The following ZC3HAV1 variants were observed in gnomAD, a reference collection of about 807,000 sequenced individuals.
ZC3HAV1 encodes the protein zinc finger CCCH-type containing, antiviral 1, also known as zinc finger CCCH-type antiviral protein 1.
In ZC3HAV1, 41 loss-of-function variants were observed where a neutral mutation model predicts 86.6. The observed-to-expected ratio is 0.47, with a 90% confidence interval of 0.37 to 0.61. The LOEUF (loss-of-function observed/expected upper bound fraction) is 0.61, where lower values mean the gene tolerates loss of function less well. Among genes scored for constraint, ZC3HAV1 ranks in the 20% least tolerant of loss-of-function variants. The pLI, the probability that ZC3HAV1 is intolerant of heterozygous loss-of-function variation, is 0.00. For missense variants in ZC3HAV1, 964 were observed against 1,141.1 expected, an observed-to-expected ratio of 0.84 and a Z score of 2.24; for synonymous variants, 421 against 432.1, an observed-to-expected ratio of 0.97 and a Z score of 0.32.
chr7:139,083,250 G>A (rs535754281), intron 3 of ZC3HAV1, among the ~76,000 whole-genome samples: 26 of 145,952 alleles, frequency 1.8e-4, no homozygotes, highest in African/African-American at 5.7e-4. Flanking sequence ...AAACCTGGGG[G>A]GGGGGGCAAT....
Position 139,047,639 on chromosome 7 carries a change from T to C in ZC3HAV1, c.2664A>G (p.Gln888=). Residue 888 remains glutamine (Q), a synonymous_variant, in exon 13 of 13, where the codon CAA becomes CAG. Transcript: ENST00000242351. The part of the protein sequence containing the change: ...VIFQKDQVYP[Q]YVIEYTEDKA... ...TGTCTTCAGTATATTCAATCACATA[T>C]TGTGGGTAAACCTGATCTTTCTGAA... 1 of 1,614,142 alleles carries C rather than the reference T, an allele frequency of 6.2e-7. No individual in the cohort carries two copies. Among genetic ancestry groups the C allele is most frequent in the Non-Finnish European group, 8.5e-7 (1 of 1,180,028 alleles).
At chr7:139,092,111 A>T (rs1817454211) in intron 1 of ZC3HAV1, among the ~76,000 whole-genome samples, 1 of 152,238 alleles carries the variant, frequency 6.6e-6, no homozygotes, top group Non-Finnish European at 1.5e-5. Context: ...AAACAGTTCC[A>T]GGTGCAGGGG....
chr7:139,081,944 A>G (rs1761292029), intron 3 of ZC3HAV1, among the ~76,000 whole-genome samples: 1 of 152,214 alleles, frequency 6.6e-6, no homozygotes, highest in African/African-American at 2.4e-5. Flanking sequence ...AATGAATGCC[A>G]TTATATAATA....
In ZC3HAV1 at chr7:139,079,942, G is replaced by A. The variant is rs781754522; in HGVS notation, c.999C>T (p.Asn333=). The change falls in exon 4 of 13, where the codon AAC becomes AAT. Residue 333 remains asparagine (N), a synonymous_variant. Coordinates refer to ENST00000242351, the MANE Select transcript of ZC3HAV1 (RefSeq NM_020119.4). ...QAGTSQRFLE[N]GSQEDLLHGN... Reference sequence around the variant, plus strand: ...CATGCAAGAGGTCCTCTTGACTGCCGTTCTCTAAAAACCTCTGGCTTGTCC... The same window carrying A: ...CATGCAAGAGGTCCTCTTGACTGCCATTCTCTAAAAACCTCTGGCTTGTCC... The A allele has an allele frequency of 1.6e-5, 26 of 1,614,034 alleles. No homozygotes were observed. The highest frequency in any genetic ancestry group is 5.5e-5 in the South Asian group (5 of 91,090).
intron 10 of ZC3HAV1, among the ~76,000 whole-genome samples, 183 bp from the exon 11 acceptor site, chr7:139,054,278 G>A (rs1816219348): frequency 1.3e-5 from 2 of 152,186 alleles, no homozygotes; most frequent in South Asian, 4.1e-4. Context: ...CAGAGAGGCA[G>A]CGGGCCTGTC....
At chr7:139,101,067 G>A (rs1229816693) in intron 1 of ZC3HAV1, among the ~76,000 whole-genome samples, 1 of 152,206 alleles carries the variant, frequency 6.6e-6, no homozygotes, top group Non-Finnish European at 1.5e-5. Context: ...CTGGTCTCCA[G>A]CTCCTAACCG....
intron 1 of ZC3HAV1, among the ~76,000 whole-genome samples, chr7:139,103,617 T>C (rs1391230339): frequency 6.6e-6 from 1 of 152,100 alleles, no homozygotes; most frequent in Non-Finnish European, 1.5e-5. Flanking sequence ...AACCAACAAT[T>C]CCACTTCCTA....
intron 1 of ZC3HAV1, among the ~76,000 whole-genome samples, chr7:139,092,284 G>C (rs1817459144): frequency 6.6e-6 from 1 of 152,174 alleles, no homozygotes; most frequent in Non-Finnish European, 1.5e-5. Context: ...TGAAGAAGGG[G>C]CTGCCAGTGA....
At chr7:139,106,451 A>C (rs1003766129) in intron 1 of ZC3HAV1, among the ~76,000 whole-genome samples, 1 of 152,060 alleles carries the variant, frequency 6.6e-6, no homozygotes, top group Non-Finnish European at 1.5e-5. Flanking sequence ...CATCTCTACT[A>C]AAAATACAAA....
chr7:139,097,592 G>T (rs966372700), intron 1 of ZC3HAV1, among the ~76,000 whole-genome samples: 1 of 150,150 alleles, frequency 6.7e-6, no homozygotes, highest in Non-Finnish European at 1.5e-5. Context: ...CCGCCACCAC[G>T]CTCGGCTAAT....
intron 1 of ZC3HAV1, among the ~76,000 whole-genome samples, chr7:139,099,491 AAAAC>A (rs1817691307): frequency 6.6e-6 from 1 of 152,246 alleles, no homozygotes; most frequent in South Asian, 2.1e-4. Flanking sequence ...CCAGAATTGG[AAAAC>A]AAACAAAAAG....
chr7:139,070,581 G>A (rs1471585426), intron 7 of ZC3HAV1, among the ~76,000 whole-genome samples: 3 of 146,278 alleles, frequency 2.1e-5, no homozygotes, highest in African/African-American at 5.1e-5. Context: ...GGAGAATGGC[G>A]TGAACACGGG....
At chr7:139,090,694 T>C (rs1486363667) in intron 1 of ZC3HAV1, among the ~76,000 whole-genome samples, 1 of 152,234 alleles carries the variant, frequency 6.6e-6, no homozygotes, top group African/African-American at 2.4e-5. Context: ...AATGATCTTA[T>C]TGAAATTGAT....
intron 9 of ZC3HAV1, among the ~76,000 whole-genome samples, chr7:139,059,393 G>A (rs948664338): frequency 6.6e-6 from 1 of 152,120 alleles, no homozygotes. Flanking sequence ...GAGGCAGGTG[G>A]ATCACCTGAG....
intron 3 of ZC3HAV1, 123 bp from the exon 4 acceptor site, chr7:139,080,366 C>T (rs1392152174): frequency 8.2e-7 from 1 of 1,219,560 alleles, no homozygotes; most frequent in Non-Finnish European, 1.2e-6. Context: ...TATCAAATTA[C>T]TTGGCGTAAT....
chr7:139,097,412 A>ATTTTTTTT (rs1387959860), intron 1 of ZC3HAV1, among the ~76,000 whole-genome samples: 4 of 74,390 alleles, frequency 5.4e-5, no homozygotes, highest in Non-Finnish European at 9.5e-5. Flanking sequence ...ATATATATAT[A>ATTTTTTTT]TATATATATA....
At chr7:139,093,335 G>T (rs541323817) in intron 1 of ZC3HAV1, among the ~76,000 whole-genome samples, 1 of 152,152 alleles carries the variant, frequency 6.6e-6, no homozygotes, top group Non-Finnish European at 1.5e-5. Context: ...TTTAAGCAGG[G>T]TGCAAGCAGA....
chr7:139,053,946 C>A lies in ZC3HAV1; in HGVS notation c.2318+19G>T. 1 of 1,596,924 alleles carries A rather than the reference C, an allele frequency of 6.3e-7. No homozygotes were observed. Among genetic ancestry groups the A allele is most frequent in the South Asian group, 1.2e-5 (1 of 86,488 alleles). Reference sequence around the variant, plus strand: ...CTTTCCGGTTTTATGTAAAGAAACACGATAACGTGGCCACCAACCATGTAA... The same window carrying A: ...CTTTCCGGTTTTATGTAAAGAAACAAGATAACGTGGCCACCAACCATGTAA... On this transcript the variant is annotated intron_variant, in intron 11 of 12. Coordinates refer to ENST00000242351, the MANE Select transcript of ZC3HAV1 (RefSeq NM_020119.4).
At chr7:139,094,497 T>TA (rs34388465) in intron 1 of ZC3HAV1, among the ~76,000 whole-genome samples, 31,002 of 129,378 alleles carry the variant, frequency 0.24, 3,726 homozygotes, top group East Asian at 0.43. Flanking sequence ...GGTGATAACT[T>TA]AAAAAAAAAA....
Sources: gnomAD v4.1 joint callset for allele counts (sites outside exome capture counted in the v4.1 genomes callset) on GRCh38, gnomAD v4.1.1 for gene constraint, MANE v1.5 for transcripts, NCBI Gene and HGNC (gene_info 2026-07-23, HGNC 2026-07-21) for gene names.